The following KIAA1549L variants were observed in gnomAD, a reference collection of about 807,000 sequenced individuals.
KIAA1549L encodes the protein KIAA1549 like.
In KIAA1549L, 88 loss-of-function variants were observed where a neutral mutation model predicts 160.7. The ratio of observed to expected loss-of-function variants is 0.55; its 90% CI spans 0.46 to 0.65. KIAA1549L has a LOEUF of 0.65. Ranked by LOEUF, KIAA1549L falls within the 30% of genes least tolerant of loss-of-function variation. KIAA1549L has a pLI of 0.00. For missense variants in KIAA1549L, 2,258 were observed against 2,437.5 expected, an observed-to-expected ratio of 0.93 and a Z score of 1.55; for synonymous variants, 950 against 976.7, an observed-to-expected ratio of 0.97 and a Z score of 0.51.
intron 18 of KIAA1549L, 99 bp from the exon 19 acceptor site, chr11:33,658,651 C>G (rs965940491): frequency 4.1e-6 from 5 of 1,223,200 alleles, no homozygotes; most frequent in African/African-American, 3.0e-5. Context: ...GGCTTGGAGG[C>G]AGCTGTCCAT....
intron 1 of KIAA1549L, among the ~76,000 whole-genome samples, chr11:33,467,839 G>A (rs540359359): frequency 6.6e-6 from 1 of 152,258 alleles, no homozygotes; most frequent in Admixed American, 6.5e-5. Context: ...ATACCATCCT[G>A]GAGTTCTGGT....
rs536781243 is a variant in KIAA1549L at position 33,542,359 on chromosome 11, C to G, written c.796C>G (p.Gln266Glu). ...TTCCATCATCTCTGAGCCAGCAGAG[C>G]AATCCCCCAAAGTGCTGTTAGTTCC... ...PHSIISEPAE[Q>E]SPKVLLVPQT... The change falls in exon 2 of 21, where the codon CAA becomes GAA. Residue 266 changes from glutamine (Q) to glutamate (E), a missense_variant. Physicochemically the swap from Gln to Glu is conservative, Grantham distance 29. Coordinates refer to ENST00000658780, the MANE Select transcript of KIAA1549L (RefSeq NM_012194.3). 4.4e-6 allele frequency: 4 copies of G among 908,586 alleles called. No individual in the cohort carries two copies. Among genetic ancestry groups the G allele is most frequent in the Non-Finnish European group, 6.7e-6 (4 of 593,170 alleles). The allele number at this position is 908,586 out of a possible 1,614,324, so 56.3% of individuals were successfully genotyped here.
At position 33,555,709 on chromosome 11, in the gene KIAA1549L, T is replaced by C. The variant is rs139320768; in HGVS notation, c.3855+3468T>C. On this transcript the variant is annotated intron_variant, in intron 6 of 20. Transcript: ENST00000658780. ...TGTAATATCTAAAACCGTAGGACTT[T>C]TATGGGAAAACATAGGGGAAAAACT... Among the ~76,000 whole-genome samples, 970 of 152,332 alleles carry C rather than the reference T, an allele frequency of 6.4e-3. 16 individuals carry two copies. Among genetic ancestry groups the C allele is most frequent in the South Asian group, 0.046 (222 of 4,828 alleles).
intron 1 of KIAA1549L, among the ~76,000 whole-genome samples, chr11:33,395,367 G>A (rs954744727): frequency 8.5e-5 from 13 of 152,176 alleles, no homozygotes; most frequent in African/African-American, 3.1e-4. Flanking sequence ...CAGGAAAAAG[G>A]TGCTAAGATT....
rs60029190 is a variant in KIAA1549L at position 33,520,684 on chromosome 11, AACACACACACACACACACACACAC to A, written c.239-21085_239-21062del. The stretch of plus-strand genomic sequence containing the variant: ...TGGTGGACATACACCCCCCACCCCC[AACACACACACACACACACACACAC>A]ACACACACACACACACACACACACA... On this transcript the variant is annotated intron_variant, in intron 1 of 20. Transcript: ENST00000658780. Among the ~76,000 whole-genome samples the A allele has an allele frequency of 3.2e-4, 27 of 84,798 alleles. 1 individual carries two copies. The highest frequency in any genetic ancestry group is 7.8e-4 in the Admixed American group (6 of 7,650). 55.6% of individuals were successfully genotyped at this position (84,798 alleles called of 152,430 possible). A position where few individuals can be genotyped will look rare whatever the true frequency, so the allele number is the denominator to read the frequency against.
chr11:33,407,940 CCTACTGGGAATGA>C (rs1850700745), intron 1 of KIAA1549L, among the ~76,000 whole-genome samples: 1 of 152,186 alleles, frequency 6.6e-6, no homozygotes, highest in Non-Finnish European at 1.5e-5. Flanking sequence ...TAGTCAACTT[CCTACTGGGAATGA>C]CCCGTTCCTG....
intron 18 of KIAA1549L, 100 bp from the exon 19 acceptor site, chr11:33,658,650 G>A: frequency 8.3e-7 from 1 of 1,207,016 alleles, no homozygotes; most frequent in Non-Finnish European, 1.2e-6. Context: ...AGGCTTGGAG[G>A]CAGCTGTCCA....
chr11:33,443,809 A>G (rs1851557389), intron 1 of KIAA1549L, among the ~76,000 whole-genome samples: 1 of 152,176 alleles, frequency 6.6e-6, no homozygotes, highest in African/African-American at 2.4e-5. Context: ...CCTGTGTGAC[A>G]CATTTAAATT....
intron 1 of KIAA1549L, among the ~76,000 whole-genome samples, chr11:33,459,326 G>T (rs146870459): frequency 1.3e-3 from 191 of 152,256 alleles, no homozygotes; most frequent in African/African-American, 4.5e-3. Flanking sequence ...TTGGGGAGGG[G>T]AGTTCTGGGC....
At chr11:33,555,118 C>G (rs1590339561) in intron 6 of KIAA1549L, among the ~76,000 whole-genome samples, 1 of 16,572 alleles carries the variant, frequency 6.0e-5, no homozygotes. Context: ...CCTAATTTTT[C>G]TTACAATTTT....
intron 11 of KIAA1549L, among the ~76,000 whole-genome samples, chr11:33,585,547 A>T (rs1010300933): frequency 6.6e-6 from 1 of 152,220 alleles, no homozygotes; most frequent in Non-Finnish European, 1.5e-5. Context: ...AAATAAAAAG[A>T]GTGTGTATTT....
In KIAA1549L at chr11:33,603,306, A is replaced by T. The variant is rs1381140373; in HGVS notation, c.4880-3335A>T. On this transcript the variant is annotated intron_variant, in intron 13 of 20. Coordinates refer to ENST00000658780, the MANE Select transcript of KIAA1549L (RefSeq NM_012194.3). The stretch of plus-strand genomic sequence containing the variant: ...AGGGTACACTGTAAATCAGTATAAC[A>T]TATCAGTAGTGGTAACCATTGTGAA... 3.5e-5 allele frequency among the ~76,000 whole-genome samples: 5 copies of T among 144,180 alleles called. No individual in the cohort carries two copies. The East Asian group carries it at 1.1e-3, about 31-fold the overall frequency. 94.6% of individuals were successfully genotyped at this position (144,180 alleles called of 152,430 possible).
At chr11:33,480,871 A>G (rs927327964) in intron 1 of KIAA1549L, among the ~76,000 whole-genome samples, 5 of 152,194 alleles carry the variant, frequency 3.3e-5, no homozygotes. Context: ...GCTCCCTCCT[A>G]GGACATCACG....
At chr11:33,661,879 CAAAAAAAAAAAAAAA>C (rs59140753) in intron 20 of KIAA1549L, among the ~76,000 whole-genome samples, 2 of 36,300 alleles carry the variant, frequency 5.5e-5, no homozygotes, top group African/African-American at 7.6e-5. Flanking sequence ...GACTATGTCT[CAAAAAAAAAAAAAAA>C]AAAAAAAAAA....
chr11:33,502,297 G>A (rs902299158), intron 1 of KIAA1549L, among the ~76,000 whole-genome samples: 1 of 152,134 alleles, frequency 6.6e-6, no homozygotes, highest in African/African-American at 2.4e-5. Flanking sequence ...CTTCAGGCTT[G>A]GAGAGGAACT....
At chr11:33,558,331 T>C (rs767542508) in intron 6 of KIAA1549L, among the ~76,000 whole-genome samples, 5 of 152,214 alleles carry the variant, frequency 3.3e-5, no homozygotes, top group South Asian at 2.1e-4. Context: ...TGGGACCCGA[T>C]GGGGTGAGTG....
chr11:33,629,546 C>T (rs1224922713), intron 16 of KIAA1549L, among the ~76,000 whole-genome samples: 1 of 151,690 alleles, frequency 6.6e-6, no homozygotes, highest in Non-Finnish European at 1.5e-5. Context: ...TTTCATCTTC[C>T]ATCGCTGATA....
intron 18 of KIAA1549L, among the ~76,000 whole-genome samples, chr11:33,656,943 G>C (rs993600750): frequency 6.6e-6 from 1 of 152,146 alleles, no homozygotes; most frequent in Non-Finnish European, 1.5e-5. Context: ...CCAGCAGTTG[G>C]CCTTGCCCCT....
intron 1 of KIAA1549L, among the ~76,000 whole-genome samples, chr11:33,422,960 T>A (rs1851049088): frequency 6.6e-6 from 1 of 152,142 alleles, no homozygotes; most frequent in Admixed American, 6.5e-5. Context: ...ATCAATTTGG[T>A]TCCCCCTGTA....
Sources: allele counts gnomAD v4.1 joint callset (sites outside exome capture counted in the v4.1 genomes callset), GRCh38; gene constraint gnomAD v4.1.1; transcripts MANE v1.5; gene names NCBI Gene and HGNC (gene_info 2026-07-23, HGNC 2026-07-21).